The following ELAVL4 variants were observed in gnomAD, a reference collection of about 807,000 sequenced individuals.
ELAVL4 encodes the protein ELAV like RNA binding protein 4.
Under a neutral mutation model 35.6 loss-of-function variants are expected in ELAVL4, and 1 was observed. That is an observed-to-expected ratio of 0.03 (90% CI 0.01 to 0.13). ELAVL4 has a LOEUF of 0.13. Ranked by LOEUF, ELAVL4 falls within the 10% of genes least tolerant of loss-of-function variation. ELAVL4 has a pLI of 1.00. For missense variants in ELAVL4, 267 were observed against 464.9 expected (o/e 0.57, Z 3.91); for synonymous variants, 156 against 171.0 (o/e 0.91, Z 0.69).
At chr1:50,080,721 G>A (rs1378484643) in intron 1 of ELAVL4, among the ~76,000 whole-genome samples, 2 of 152,096 alleles carry the variant, frequency 1.3e-5, no homozygotes, top group Non-Finnish European at 2.9e-5. Context: ...GCATCCTTCA[G>A]GTCTCAGTTC....
chr1:50,079,821 TC>T (rs1664930223), intron 1 of ELAVL4, among the ~76,000 whole-genome samples: 1 of 152,202 alleles, frequency 6.6e-6, no homozygotes, highest in South Asian at 2.1e-4. Context: ...GGTAAATACT[TC>T]TTCAACTGAG....
chr1:50,107,338 T>A (rs544159475), upstream of ELAVL4, among the ~76,000 whole-genome samples: 3 of 152,344 alleles, frequency 2.0e-5, no homozygotes, highest in South Asian at 6.2e-4. Flanking sequence ...TTCATGTATT[T>A]TCATTTCTAA....
intron 2 of ELAVL4, among the ~76,000 whole-genome samples, chr1:50,154,690 C>T (rs2148726924): frequency 6.6e-6 from 1 of 151,688 alleles, no homozygotes; most frequent in Middle Eastern, 3.4e-3. Flanking sequence ...CACTTGGCTG[C>T]TTATTTTTCT....
intron 6 of ELAVL4, 100 bp from the exon 7 acceptor site, chr1:50,200,747 ACACT>A: frequency 2.6e-6 from 4 of 1,530,634 alleles, no homozygotes; most frequent in Admixed American, 2.1e-5. Flanking sequence ...TCTCCTGTAA[ACACT>A]CACTCAGCCC....
intron 3 of ELAVL4, among the ~76,000 whole-genome samples, chr1:50,184,337 G>T (rs1681501465): frequency 1.3e-5 from 2 of 151,028 alleles, no homozygotes; most frequent in Admixed American, 1.3e-4. Flanking sequence ...ATGGAATGGG[G>T]TCTGGGGGCT....
At chr1:50,082,160 A>G (rs1339578413) in intron 1 of ELAVL4, among the ~76,000 whole-genome samples, 1 of 152,192 alleles carries the variant, frequency 6.6e-6, no homozygotes, top group African/African-American at 2.4e-5. Context: ...GTGTCTTTAT[A>G]GTGGAATGAT....
At chr1:50,163,429 C>T (rs1320454901) in intron 2 of ELAVL4, among the ~76,000 whole-genome samples, 1 of 152,094 alleles carries the variant, frequency 6.6e-6, no homozygotes, top group Non-Finnish European at 1.5e-5. Context: ...TGTACCAGAT[C>T]CAGTTTGAAA....
At chr1:50,048,357 A>T (rs553499073) in intron 1 of ELAVL4, among the ~76,000 whole-genome samples, 3 of 151,948 alleles carry the variant, frequency 2.0e-5, no homozygotes, top group Non-Finnish European at 4.4e-5. Context: ...CGCTGCCCAG[A>T]CCTGAGGGCT....
chr1:50,149,942 T>C (rs1572407125), intron 2 of ELAVL4, among the ~76,000 whole-genome samples: 1 of 152,218 alleles, frequency 6.6e-6, no homozygotes, highest in South Asian at 2.1e-4. Context: ...ATGCTATTAA[T>C]ACGTAAGTGC....
intron 6 of ELAVL4, 120 bp from the exon 7 acceptor site, chr1:50,200,731 G>A (rs1644350587): frequency 6.6e-7 from 1 of 1,514,408 alleles, no homozygotes; most frequent in African/African-American, 1.4e-5. Flanking sequence ...TTTGAACCCT[G>A]AAGACTCTCC....
At chr1:50,086,053 A>T (rs1213473081) in intron 1 of ELAVL4, among the ~76,000 whole-genome samples, 1 of 152,142 alleles carries the variant, frequency 6.6e-6, no homozygotes, top group Non-Finnish European at 1.5e-5. Context: ...GAGTGCTTTA[A>T]GTAGTAAAAG....
intron 1 of ELAVL4, among the ~76,000 whole-genome samples, chr1:50,054,496 A>G (rs1663557813): frequency 6.6e-6 from 1 of 152,156 alleles, no homozygotes; most frequent in African/African-American, 2.4e-5. Flanking sequence ...ATTCCAGTGT[A>G]AAGAATATAC....
intron 1 of ELAVL4, among the ~76,000 whole-genome samples, chr1:50,123,651 C>T (rs1669402260): frequency 6.6e-6 from 1 of 152,046 alleles, no homozygotes. Context: ...ACCCAGGAGC[C>T]CCTCTGTGGC....
chr1:50,145,070 A>G lies in ELAVL4; in HGVS notation c.123A>G (p.Thr41=), dbSNP rs1335305625. The G allele has an allele frequency of 6.2e-7, 1 of 1,613,952 alleles. No individual in the cohort carries two copies. The highest frequency in any genetic ancestry group is 1.3e-5 in the African/African-American group (1 of 74,940). The change falls in exon 2 of 7, where the codon ACA becomes ACG. Residue 41 remains threonine (T), a synonymous_variant. Coordinates refer to ENST00000371824, the MANE Select transcript of ELAVL4 (RefSeq NM_001144774.3). The part of the protein sequence containing the change: ...CPSPMQTGAT[T]DDSKTNLIVN... ...CTCCCATGCAAACAGGGGCAACCACAGATGACAGCAAAACCAACCTCATCG... is the reference window on the plus strand; with the variant it reads ...CTCCCATGCAAACAGGGGCAACCACGGATGACAGCAAAACCAACCTCATCG...
chr1:50,187,955 C>A (rs1050849830), intron 3 of ELAVL4, among the ~76,000 whole-genome samples: 2 of 152,114 alleles, frequency 1.3e-5, no homozygotes, highest in Admixed American at 6.6e-5. Flanking sequence ...ATTAGCTGGG[C>A]ATGGTGGCGC....
intron 1 of ELAVL4, among the ~76,000 whole-genome samples, chr1:50,111,073 T>C (rs1234673755): frequency 1.3e-5 from 2 of 152,130 alleles, no homozygotes; most frequent in Admixed American, 1.3e-4. Context: ...TTTCTAACTC[T>C]GGTTTACAGT....
chr1:50,096,682 A>G (rs1318955361), intron 1 of ELAVL4, among the ~76,000 whole-genome samples: 1 of 152,130 alleles, frequency 6.6e-6, no homozygotes, highest in African/African-American at 2.4e-5. Context: ...TCATGTTTCA[A>G]CCTAATAAAA....
At position 50,201,564 on chromosome 1, in the gene ELAVL4, G is replaced by GAAAAACA. The variant is rs1471342741; in HGVS notation, c.*399_*405dup. 3 of 150,456 alleles carry GAAAAACA rather than the reference G, an allele frequency of 2.0e-5. No individual in the cohort carries two copies. The highest frequency in any genetic ancestry group is 7.4e-5 in the African/African-American group (3 of 40,664). 9.3% of individuals were successfully genotyped at this position (150,456 alleles called of 1,614,324 possible). ...GATGACCATTCGCTCATTTGAAGAA[G>GAAAAACA]AAAAACAAAAAACAAAAAAAATAAT... On this transcript the variant is annotated 3_prime_UTR_variant, in exon 7 of 7. Transcript: ENST00000371824. The surrounding 1 kb of genome is among the most constrained non-coding windows in gnomAD (Gnocchi z 4.3).
chr1:50,186,165 A>G (rs1681797562), intron 3 of ELAVL4, among the ~76,000 whole-genome samples: 1 of 152,218 alleles, frequency 6.6e-6, no homozygotes. Context: ...AGACACCCTT[A>G]TGATATTCGT....
Sources: allele counts gnomAD v4.1 joint callset (sites outside exome capture counted in the v4.1 genomes callset), GRCh38; gene constraint gnomAD v4.1.1; non-coding constraint Gnocchi (gnomAD v3.1); transcripts MANE v1.5; gene names NCBI Gene and HGNC (gene_info 2026-07-23, HGNC 2026-07-21).